MDM2: variants seen among roughly 807,000 people sequenced by gnomAD.
MDM2 encodes E3 ubiquitin-protein ligase Mdm2.
A neutral mutation model predicts 64.3 loss-of-function variants in MDM2; 11 were observed. The ratio of observed to expected loss-of-function variants is 0.17; its 90% confidence interval spans 0.11 to 0.28. The LOEUF is 0.28. Among genes scored for constraint, MDM2 ranks in the 10% least tolerant of loss-of-function variants. The pLI is 1.00. For synonymous variants in MDM2, 194 were observed against 192.9 expected, an observed-to-expected ratio of 1.01 and a Z score of -0.05; for missense variants, 388 against 577.1, an observed-to-expected ratio of 0.67 and a Z score of 3.36.
Position 68,824,414 on chromosome 12 carries a change from G to A in MDM2, c.410G>A (p.Gly137Asp). The A allele has an allele frequency of 6.2e-7, 1 of 1,613,852 alleles. No individual in the cohort carries two copies. The highest frequency in any genetic ancestry group is 8.5e-7 in the Non-Finnish European group (1 of 1,179,820). ...AGTGAGAACAGGTGTCACCTTGAAG[G>A]TGGGAGTGATCAAAAGGTAATCTAA... is the stretch of plus-strand genomic sequence containing the variant. The part of the protein sequence containing the change: ...SVSENRCHLE[G>D]GSDQKDLVQE... The change falls in exon 6 of 11, where the codon GGT (glycine) becomes GAT (aspartate). Residue 137 changes from glycine (G) to aspartate (D), a missense_variant. Physicochemically the swap from Gly to Asp is moderately conservative, Grantham distance 94 (BLOSUM62 -1). This residue lies in a region of MDM2 where 168 missense variants were observed against 236.6 expected (regional missense o/e 0.71). Coordinates refer to ENST00000258149, the MANE Select transcript of MDM2 (RefSeq NM_002392.6).
intron 8 of MDM2, among the ~76,000 whole-genome samples, chr12:68,831,248 C>A (rs967994022): frequency 1.3e-5 from 2 of 152,142 alleles, no homozygotes; most frequent in Non-Finnish European, 1.5e-5. Flanking sequence ...GAAGCTCCCC[C>A]TTACACAGAC....
chr12:68,830,794 C>T lies in MDM2; in HGVS notation c.684+1863C>T, dbSNP rs533778553. Among the ~76,000 whole-genome samples the T allele has an allele frequency of 4.1e-4, 62 of 152,150 alleles. 1 individual carries two copies. Among genetic ancestry groups the T allele is most frequent in the African/African-American group, 1.4e-3 (59 of 41,518 alleles). On this transcript the variant is annotated intron_variant, in intron 8 of 10. Transcript: ENST00000258149. ...TGGCTCACTGCAACCTCCACCTCCC[C>T]GGTTCAGGCGATTCTCATGTCTCAG...
At chr12:68,832,285 G>A (rs1297021292) in intron 8 of MDM2, among the ~76,000 whole-genome samples, 1 of 152,012 alleles carries the variant, frequency 6.6e-6, no homozygotes, top group East Asian at 1.9e-4. Flanking sequence ...ATAAATTGTG[G>A]GAAACTAAGA....
rs147764324 is a variant in MDM2 at position 68,843,230 on chromosome 12, A to G, written c.*3381A>G. On this transcript the variant is annotated 3_prime_UTR_variant, in exon 11 of 11. Coordinates refer to ENST00000258149, the MANE Select transcript of MDM2 (RefSeq NM_002392.6). ...AGGAATAAGTTCTAGCTGAAGTATT[A>G]TGAACTCCAAATAATGCTTTGAGGA... 347 of 224,874 alleles carry G rather than the reference A, an allele frequency of 1.5e-3. No homozygotes were observed. Among genetic ancestry groups the G allele is most frequent in the African/African-American group, 7.4e-3 (334 of 44,918 alleles). 13.9% of individuals were successfully genotyped at this position (224,874 alleles called of 1,614,324 possible). A position where few individuals can be genotyped will look rare whatever the true frequency, so the allele number is the denominator to read the frequency against.
chr12:68,813,727 T>A, intron 3 of MDM2, 99 bp downstream of exon 3: 43 of 724,110 alleles, frequency 5.9e-5, no homozygotes, highest in Non-Finnish European at 9.4e-5. Flanking sequence ...ATAGAAGGAT[T>A]TTTCATTAAG....
chr12:68,840,160 T>C lies in MDM2; in HGVS notation c.*311T>C, dbSNP rs1802176926. On this transcript the variant is annotated 3_prime_UTR_variant, in exon 11 of 11. Coordinates refer to ENST00000258149, the MANE Select transcript of MDM2 (RefSeq NM_002392.6). ...CATTTAAATGTAACTTATTATTTTT[T>C]TTGAGACCGAGTCTTGCTCTGTTAC... 1 of 278,338 alleles carries C rather than the reference T, an allele frequency of 3.6e-6. No individual in the cohort carries two copies. Among genetic ancestry groups the C allele is most frequent in the Non-Finnish European group, 6.8e-6 (1 of 147,790 alleles). The allele number at this position is 278,338 out of a possible 1,614,324, so 17.2% of individuals were successfully genotyped here.
Position 68,842,830 on chromosome 12 carries a change from A to T in MDM2, c.*2981A>T, listed in dbSNP as rs1188175928. ...ATTTTAATATTTCTTATTTTGGTTT[A>T]TTAGTGTCTTAGAACAAAATGGCCT... On this transcript the variant is annotated 3_prime_UTR_variant, in exon 11 of 11. Transcript: ENST00000258149. 5.0e-6 allele frequency: 1 copy of T among 201,972 alleles called. No homozygotes were observed. Among genetic ancestry groups the T allele is most frequent in the East Asian group, 7.7e-5 (1 of 13,002 alleles). 12.5% of individuals were successfully genotyped at this position (201,972 alleles called of 1,614,324 possible). A position where few individuals can be genotyped will look rare whatever the true frequency, so the allele number is the denominator to read the frequency against.
chr12:68,831,300 T>C (rs1005281267), intron 8 of MDM2, among the ~76,000 whole-genome samples: 3 of 152,158 alleles, frequency 2.0e-5, no homozygotes, highest in African/African-American at 7.2e-5. Flanking sequence ...AGACCTTACA[T>C]TCTGACAATA....
chr12:68,816,979 ATCTGGGCTAACATTTCAGT>A, intron 4 of MDM2, 34 bp downstream of exon 4: 1 of 1,603,706 alleles, frequency 6.2e-7, no homozygotes, highest in Admixed American at 1.8e-5. Context: ...GTAAAAAGCC[ATCTGGGCTAACATTTCAGT>A]TCACCTCTAC....
chr12:68,829,168 T>G (rs963793773), intron 8 of MDM2, among the ~76,000 whole-genome samples: 10 of 152,196 alleles, frequency 6.6e-5, no homozygotes, highest in African/African-American at 2.4e-4. Flanking sequence ...AGTAGTAGTA[T>G]TAGTAATTAT....
chr12:68,815,970 T>G (rs1324437415), intron 3 of MDM2, among the ~76,000 whole-genome samples: 1 of 152,212 alleles, frequency 6.6e-6, no homozygotes, highest in Admixed American at 6.5e-5. Flanking sequence ...TTTTGATTAT[T>G]TATCATAATA....
rs771046322 is a variant in MDM2, at chr12:68,809,267, T to C, written c.74T>C (p.Ile25Thr). 1.2e-6 allele frequency: 2 copies of C among 1,614,218 alleles called. No individual in the cohort carries two copies. Among genetic ancestry groups the C allele is most frequent in the South Asian group, 2.2e-5 (2 of 91,088 alleles). Residue 25 changes from isoleucine (I) to threonine (T), a missense_variant, in exon 2 of 11, where the codon ATT (isoleucine) becomes ACT (threonine). Transcript: ENST00000258149. ...PTDGAVTTSQ[I>T]PASEQETLVR... ...GATGGTGCTGTAACCACCTCACAGATTCCAGCTTCGGAACAAGAGACCCTG... is the reference window on the plus strand; with the variant it reads ...GATGGTGCTGTAACCACCTCACAGACTCCAGCTTCGGAACAAGAGACCCTG...
chr12:68,835,331 T>C (rs914482239), intron 8 of MDM2, among the ~76,000 whole-genome samples: 2 of 152,218 alleles, frequency 1.3e-5, no homozygotes, highest in African/African-American at 2.4e-5. Context: ...ATTTTGAAAC[T>C]GAAATTATTC....
chr12:68,849,241 C>G (rs757813616), downstream of MDM2: 1 of 151,490 alleles, frequency 6.6e-6, no homozygotes, highest in Non-Finnish European at 1.5e-5. Context: ...AGGGGTCCAC[C>G]ACCACACCTG....
At chr12:68,846,461 G>A (rs1884304876), downstream of MDM2, 1 of 152,104 alleles carries the variant, frequency 6.6e-6, no homozygotes, top group Non-Finnish European at 1.5e-5. Context: ...TTAAATTTTA[G>A]CGCTTTTGCC....
chr12:68,833,280 A>AATATAAAAATATATTT (rs1565743994), intron 8 of MDM2, among the ~76,000 whole-genome samples: 7 of 63,184 alleles, frequency 1.1e-4, no homozygotes, highest in Admixed American at 1.4e-4. Context: ...TATTTATATA[A>AATATAAAAATATATTT]ATATAAATAT....
intron 7 of MDM2, among the ~76,000 whole-genome samples, chr12:68,827,455 A>G (rs1254630617): frequency 3.3e-5 from 5 of 152,176 alleles, no homozygotes; most frequent in Non-Finnish European, 7.4e-5. Flanking sequence ...TATGTATACT[A>G]TGGGTAATTT....
chr12:68,835,897 T>C lies in MDM2; in HGVS notation c.753T>C (p.Phe251=). The stretch of plus-strand genomic sequence containing the variant: ...ATCAGGATTCAGTTTCAGATCAGTT[T>C]AGTGTAGAATTTGAAGTTGAATCTC... The part of the protein sequence containing the change: ...WLDQDSVSDQ[F]SVEFEVESLD... The change falls in exon 9 of 11, where the codon TTT becomes TTC. Residue 251 remains phenylalanine (F), a synonymous_variant. Coordinates refer to ENST00000258149, the MANE Select transcript of MDM2 (RefSeq NM_002392.6). The C allele has an allele frequency of 2.5e-6, 4 of 1,613,848 alleles. No individual in the cohort carries two copies. The highest frequency in any genetic ancestry group is 2.2e-5 in the South Asian group (2 of 91,046).
At chr12:68,833,266 T>TATAAAA (rs1491404535) in intron 8 of MDM2, among the ~76,000 whole-genome samples, 2 of 78,914 alleles carry the variant, frequency 2.5e-5, no homozygotes, top group Non-Finnish European at 6.4e-5. Context: ...TTTATATAAT[T>TATAAAA]ATATATTTAT....
Sources: gnomAD v4.1 joint callset for allele counts (sites outside exome capture counted in the v4.1 genomes callset) on GRCh38, gnomAD v4.1.1 for gene constraint, gnomAD v4.1.1 regional missense constraint, MANE v1.5 for transcripts, NCBI Gene and HGNC (gene_info 2026-07-23, HGNC 2026-07-21) for gene names.